Variants in VTCN1 observed in about 807,000 individuals in gnomAD.
VTCN1 encodes the protein V-set domain-containing T-cell activation inhibitor 1.
A neutral mutation model predicts 26.5 loss-of-function variants in VTCN1; 26 were observed. The observed-to-expected ratio is 0.98, with a 90% CI of 0.72 to 1.36. VTCN1 has a LOEUF of 1.36. Ranked by LOEUF, VTCN1 falls within the 40% of genes most tolerant of loss-of-function variation. The pLI is 0.00. For missense variants in VTCN1, 298 were observed against 337.7 expected, an observed-to-expected ratio of 0.88 and a Z score of 0.92; for synonymous variants, 116 against 130.7, an observed-to-expected ratio of 0.89 and a Z score of 0.77.
chr1:117,163,866 T>A (rs888459764), intron 2 of VTCN1, among the ~76,000 whole-genome samples: 3 of 152,236 alleles, frequency 2.0e-5, no homozygotes, highest in Non-Finnish European at 4.4e-5. Context: ...TTTTCTCAGA[T>A]GACTCGAAGG....
rs145887761 is a variant in VTCN1 at position 117,157,092 on chromosome 1, G to GATATATATAT, written c.98-181_98-172dup. On this transcript the variant is annotated intron_variant, in intron 2 of 5. Transcript: ENST00000369458. ...GAAAGAGCAGGAAGACAATCATTTT[G>GATATATATAT]ATATATATATATATATATATATAGC... The GATATATATAT allele has an allele frequency of 1.2e-3, 692 of 561,516 alleles. 22 individuals are homozygous for GATATATATAT. The African/African-American group carries it at 0.014, about 11-fold the overall frequency. The allele number at this position is 561,516 out of a possible 1,614,324, so 34.8% of individuals were successfully genotyped here.
chr1:117,173,665 T>C (rs1333951292), intron 1 of VTCN1, among the ~76,000 whole-genome samples: 1 of 152,228 alleles, frequency 6.6e-6, no homozygotes, highest in Non-Finnish European at 1.5e-5. Context: ...AGATAATAAA[T>C]GTGGCATTAT....
chr1:117,172,385 G>A, intron 1 of VTCN1: 1 of 518,780 alleles, frequency 1.9e-6, no homozygotes, highest in Non-Finnish European at 3.9e-6. Flanking sequence ...GACCATATTT[G>A]GCCACTGCTC....
At chr1:117,185,589 C>T (rs549354332) in intron 1 of VTCN1, among the ~76,000 whole-genome samples, 2 of 152,132 alleles carry the variant, frequency 1.3e-5, no homozygotes, top group Non-Finnish European at 2.9e-5. Flanking sequence ...ATTATATCCT[C>T]CTCTCTTTTA....
intron 1 of VTCN1, among the ~76,000 whole-genome samples, chr1:117,171,553 G>T (rs930292098): frequency 6.6e-6 from 1 of 152,146 alleles, no homozygotes; most frequent in African/African-American, 2.4e-5. Context: ...ATTCTAACTG[G>T]TGGATCCTCA....
At chr1:117,170,001 G>A in intron 2 of VTCN1, 106 bp downstream of exon 2, 1 of 1,083,060 alleles carries the variant, frequency 9.2e-7, no homozygotes. Flanking sequence ...ATACTCTGAG[G>A]TTTTCTGGGT....
Position 117,169,987 on chromosome 1 carries a change from T to C in VTCN1, c.97+120A>G. ...AAAGCACAAGAAGTAGAAGAATGAA[T>C]GCTATACTCTGAGGTTTTCTGGGTC... is the stretch of plus-strand genomic sequence containing the variant. On this transcript the variant is annotated intron_variant, in intron 2 of 5. Transcript: ENST00000369458. This position sits in a 1 kb window ranked among gnomAD's most constrained non-coding sequence, Gnocchi z 4.0. 1.2e-6 allele frequency: 1 copy of C among 861,784 alleles called. No homozygotes were observed. The highest frequency in any genetic ancestry group is 1.5e-5 in the South Asian group (1 of 67,512). The allele number at this position is 861,784 out of a possible 1,614,324, so 53.4% of individuals were successfully genotyped here.
chr1:117,175,953 A>G lies in VTCN1; in HGVS notation c.33-5782T>C, dbSNP rs1300924059. On this transcript the variant is annotated intron_variant, in intron 1 of 5. Coordinates refer to ENST00000369458, the MANE Select transcript of VTCN1 (RefSeq NM_024626.4). This position sits in a 1 kb window ranked among gnomAD's most constrained non-coding sequence, Gnocchi z 4.2. ...GCCCGGCTAATTTTTTATTTTTAGT[A>G]GAGACAGGGTTTCACCATGTTGGCC... is the stretch of plus-strand genomic sequence containing the variant. 6.6e-6 allele frequency among the ~76,000 whole-genome samples: 1 copy of G among 151,954 alleles called. No individual in the cohort carries two copies. The highest frequency in any genetic ancestry group is 2.4e-5 in the African/African-American group (1 of 41,342).
chr1:117,171,881 G>A (rs1652934338), intron 1 of VTCN1, among the ~76,000 whole-genome samples: 1 of 152,158 alleles, frequency 6.6e-6, no homozygotes. Flanking sequence ...AGTGTACCAA[G>A]GGTAGGAGCT....
At chr1:117,203,910 T>A (rs2101605867) in intron 1 of VTCN1, 3 of 388,232 alleles carry the variant, frequency 7.7e-6, no homozygotes, top group South Asian at 2.1e-4. Flanking sequence ...AGTTCCCAGG[T>A]GATGTGGATG....
chr1:117,150,215 C>T (rs1330417144), intron 4 of VTCN1, among the ~76,000 whole-genome samples: 1 of 152,148 alleles, frequency 6.6e-6, no homozygotes, highest in Non-Finnish European at 1.5e-5. Flanking sequence ...GAGTCAAAGT[C>T]CTTCTTGGGA....
In VTCN1 at chr1:117,147,784, T is replaced by C. The variant is rs762367712; in HGVS notation, c.725-2A>G. The C allele has an allele frequency of 1.6e-5, 26 of 1,612,858 alleles. No individual in the cohort carries two copies. The East Asian group carries it at 5.3e-4, about 33-fold the overall frequency. On this transcript the variant is annotated splice_acceptor_variant, in intron 4 of 5. Transcript: ENST00000369458. LOFTEE classifies it high-confidence loss of function. This position sits in a 1 kb window ranked among gnomAD's most constrained non-coding sequence, Gnocchi z 4.6. ...GACTCCGCCTTTTGATCTCCGATTC[T>C]GTGAAGTGAGAGAAAAAGTTTAGGG...
intron 1 of VTCN1, 86 bp from the exon 2 acceptor site, chr1:117,170,257 G>T: frequency 8.0e-7 from 1 of 1,253,850 alleles, no homozygotes; most frequent in South Asian, 1.2e-5. Context: ...ATCTGTTGTG[G>T]ATAAGATGAG....
intron 1 of VTCN1, among the ~76,000 whole-genome samples, chr1:117,206,520 G>A (rs1188451326): frequency 6.6e-6 from 1 of 152,126 alleles, no homozygotes; most frequent in Non-Finnish European, 1.5e-5. Context: ...GCTCTTGGAG[G>A]GTAAATGTTC....
chr1:117,145,362 T>C lies in VTCN1; in HGVS notation c.*46-137A>G, dbSNP rs1160805649. 2.0e-5 allele frequency: 3 copies of C among 152,184 alleles called. No homozygotes were observed. The highest frequency in any genetic ancestry group is 7.2e-5 in the African/African-American group (3 of 41,434). The allele number at this position is 152,184 out of a possible 1,614,324, so 9.4% of individuals were successfully genotyped here. ...GGGCTTATTTTTCAGTATTTTGATG[T>C]TGTTCTATTGAGGCCACATGGTCCC... is the stretch of plus-strand genomic sequence containing the variant. On this transcript the variant is annotated intron_variant, in intron 5 of 5. Transcript: ENST00000369458. This position sits in a 1 kb window ranked among gnomAD's most constrained non-coding sequence, Gnocchi z 4.6.
At chr1:117,172,063 G>C (rs1470149012) in intron 1 of VTCN1, among the ~76,000 whole-genome samples, 1 of 152,154 alleles carries the variant, frequency 6.6e-6, no homozygotes. Flanking sequence ...TCGGTCAGAC[G>C]TCCTCAGCCG....
At chr1:117,160,982 G>C (rs1470918099) in intron 2 of VTCN1, among the ~76,000 whole-genome samples, 1 of 152,200 alleles carries the variant, frequency 6.6e-6, no homozygotes, top group Non-Finnish European at 1.5e-5. Context: ...ACAAAAACAA[G>C]TACATAGCCT....
rs2101537874 is a variant in VTCN1 at position 117,175,535 on chromosome 1, T to G, written c.33-5364A>C. 6.6e-6 allele frequency among the ~76,000 whole-genome samples: 1 copy of G among 152,302 alleles called. No homozygotes were observed. Among genetic ancestry groups the G allele is most frequent in the Non-Finnish European group, 1.5e-5 (1 of 68,020 alleles). ...ATAAAAATAGAACTGAAAGCCATGC[T>G]AAGCTTTTCCCACTGAAGTTCTCAT... On this transcript the variant is annotated intron_variant, in intron 1 of 5. Transcript: ENST00000369458. This position sits in a 1 kb window ranked among gnomAD's most constrained non-coding sequence, Gnocchi z 4.2.
chr1:117,147,797 A>G lies in VTCN1; in HGVS notation c.725-15T>C, dbSNP rs370749888. The G allele has an allele frequency of 1.6e-5, 26 of 1,612,324 alleles. No individual in the cohort carries two copies. Among genetic ancestry groups the G allele is most frequent in the Non-Finnish European group, 2.2e-5 (26 of 1,179,486 alleles). ...GATCTCCGATTCTGTGAAGTGAGAG[A>G]AAAAGTTTAGGGTCATACAGGAGAA... On this transcript the variant is annotated splice_polypyrimidine_tract_variant and intron_variant, in intron 4 of 5. Coordinates refer to ENST00000369458, the MANE Select transcript of VTCN1 (RefSeq NM_024626.4). The surrounding 1 kb of genome is among the most constrained non-coding windows in gnomAD (Gnocchi z 4.6).
Sources: gnomAD v4.1 joint callset for allele counts (sites outside exome capture counted in the v4.1 genomes callset) on GRCh38, gnomAD v4.1.1 for gene constraint, Gnocchi (gnomAD v3.1) non-coding constraint, MANE v1.5 for transcripts, NCBI Gene and HGNC (gene_info 2026-07-23, HGNC 2026-07-21) for gene names.